FAM168A: variants seen among roughly 807,000 people sequenced by gnomAD.
FAM168A encodes protein FAM168A.
FAM168A carries 3 observed loss-of-function variants against 28.5 expected under a neutral mutation model. The observed-to-expected ratio is 0.11, with a 90% CI of 0.05 to 0.27. FAM168A has a LOEUF of 0.27. Ranked by LOEUF, FAM168A falls within the 10% of genes least tolerant of loss-of-function variation. FAM168A has a pLI of 1.00. For synonymous variants in FAM168A, 122 were observed against 124.2 expected, an observed-to-expected ratio of 0.98 and a Z score of 0.12; for missense variants, 222 against 311.5, an observed-to-expected ratio of 0.71 and a Z score of 2.16.
intron 1 of FAM168A, among the ~76,000 whole-genome samples, chr11:73,570,186 AC>A (rs1944069905): frequency 6.6e-6 from 1 of 152,202 alleles, no homozygotes; most frequent in African/African-American, 2.4e-5. Flanking sequence ...GGTTCTAATC[AC>A]AGCTGCATCC....
intron 1 of FAM168A, among the ~76,000 whole-genome samples, chr11:73,507,380 TAAAC>T (rs1481876115): frequency 6.6e-6 from 1 of 152,014 alleles, no homozygotes; most frequent in Non-Finnish European, 1.5e-5. Context: ...AAGATAAAAA[TAAAC>T]AAAACCCATC....
At chr11:73,424,504 C>T (rs915090936) in intron 3 of FAM168A, among the ~76,000 whole-genome samples, 1 of 152,092 alleles carries the variant, frequency 6.6e-6, no homozygotes, top group Non-Finnish European at 1.5e-5. Flanking sequence ...GCCCCCCCCA[C>T]CTCTCACCAT....
intron 2 of FAM168A, among the ~76,000 whole-genome samples, chr11:73,437,101 C>T (rs1565243788): frequency 6.9e-6 from 1 of 145,980 alleles, no homozygotes; most frequent in African/African-American, 2.5e-5. Context: ...TGCCAGCATA[C>T]TTTTTTTTTT....
At chr11:73,554,304 G>A (rs1169273575) in intron 1 of FAM168A, among the ~76,000 whole-genome samples, 1 of 151,958 alleles carries the variant, frequency 6.6e-6, no homozygotes, top group East Asian at 1.9e-4. Flanking sequence ...GAGCCCAGGA[G>A]TTTGAGGCTG....
At chr11:73,508,663 G>A (rs1855162005) in intron 1 of FAM168A, among the ~76,000 whole-genome samples, 1 of 151,610 alleles carries the variant, frequency 6.6e-6, no homozygotes, top group Non-Finnish European at 1.5e-5. Context: ...GAGTACTAGG[G>A]GTGTGTGTGT....
In FAM168A at chr11:73,593,556, A is replaced by G. The variant is rs12284141; in HGVS notation, c.-19+4367T>C. Reference sequence around the variant, plus strand: ...TTAAAGAACTGTTTAAAGTTCCTAGACTGTAAACATGCAAATATGCATGAG... The same window carrying G: ...TTAAAGAACTGTTTAAAGTTCCTAGGCTGTAAACATGCAAATATGCATGAG... On this transcript the variant is annotated intron_variant, in intron 1 of 7. Transcript: ENST00000356467. Among the ~76,000 whole-genome samples the G allele has an allele frequency of 1.3e-3, 191 of 152,280 alleles. 1 individual carries two copies. Among genetic ancestry groups the G allele is most frequent in the African/African-American group, 4.0e-3 (165 of 41,560 alleles).
intron 1 of FAM168A, among the ~76,000 whole-genome samples, chr11:73,539,629 A>G (rs1482477371): frequency 6.6e-6 from 1 of 152,180 alleles, no homozygotes; most frequent in Non-Finnish European, 1.5e-5. Flanking sequence ...TCTCAGGACT[A>G]AGAGATTACC....
chr11:73,499,766 A>G (rs950832031), intron 1 of FAM168A, among the ~76,000 whole-genome samples: 5 of 152,028 alleles, frequency 3.3e-5, no homozygotes, highest in African/African-American at 1.2e-4. Flanking sequence ...AAGCGGAAGA[A>G]AGGTTATCAG....
At chr11:73,485,614 T>A (rs1868042676) in intron 1 of FAM168A, among the ~76,000 whole-genome samples, 1 of 152,222 alleles carries the variant, frequency 6.6e-6, no homozygotes, top group African/African-American at 2.4e-5. Flanking sequence ...TACTATATTA[T>A]CCTATTTCCC....
At chr11:73,550,576 G>A (rs193017614) in intron 1 of FAM168A, among the ~76,000 whole-genome samples, 66 of 152,236 alleles carry the variant, frequency 4.3e-4, no homozygotes, top group Middle Eastern at 3.4e-3. Context: ...GATCACCTGA[G>A]ACTGGGGGGT....
chr11:73,464,188 A>T (rs958695268), intron 2 of FAM168A, among the ~76,000 whole-genome samples: 4 of 106,574 alleles, frequency 3.8e-5, no homozygotes, highest in Non-Finnish European at 7.9e-5. Flanking sequence ...AATTGTTATT[A>T]AAAAAAAAAA....
At chr11:73,512,964 G>A (rs1235547111) in intron 1 of FAM168A, among the ~76,000 whole-genome samples, 2 of 152,018 alleles carry the variant, frequency 1.3e-5, no homozygotes, top group East Asian at 1.9e-4. Flanking sequence ...TAGCAAACTC[G>A]TCCTAATGTA....
rs376336918 is a variant in FAM168A at position 73,476,773 on chromosome 11, G to A, written c.-18-8281C>T. On this transcript the variant is annotated intron_variant, in intron 1 of 7. Coordinates refer to ENST00000356467, the MANE Select transcript of FAM168A (RefSeq NM_015159.3). ...TCAATAAAAAATATAAAAATTGAAA[G>A]AGTCAAATGGAAATCGTATTCTGAA... 3.3e-5 allele frequency among the ~76,000 whole-genome samples: 5 copies of A among 152,152 alleles called. No homozygotes were observed. The South Asian group carries it at 1.0e-3, about 32-fold the overall frequency.
At chr11:73,440,523 G>A (rs747341944) in intron 2 of FAM168A, among the ~76,000 whole-genome samples, 2 of 152,140 alleles carry the variant, frequency 1.3e-5, no homozygotes, top group Non-Finnish European at 2.9e-5. Flanking sequence ...CCAGCTACAA[G>A]GGAGACTGAG....
intron 1 of FAM168A, among the ~76,000 whole-genome samples, chr11:73,560,516 G>A (rs1943945949): frequency 6.6e-6 from 1 of 152,284 alleles, no homozygotes; most frequent in Middle Eastern, 3.4e-3. Flanking sequence ...AAACTTAAAT[G>A]CAGTGGGTAC....
At chr11:73,478,974 T>A (rs1026189658) in intron 1 of FAM168A, among the ~76,000 whole-genome samples, 1 of 152,140 alleles carries the variant, frequency 6.6e-6, no homozygotes, top group African/African-American at 2.4e-5. Flanking sequence ...TTCCCAACTT[T>A]CCCAGGAATA....
intron 1 of FAM168A, among the ~76,000 whole-genome samples, chr11:73,486,550 C>T (rs1044531371): frequency 8.5e-5 from 13 of 152,170 alleles, no homozygotes; most frequent in African/African-American, 3.1e-4. Flanking sequence ...CAATAACATT[C>T]CAGACTTCCC....
chr11:73,431,588 T>G (rs995000064), intron 2 of FAM168A, among the ~76,000 whole-genome samples: 4 of 152,140 alleles, frequency 2.6e-5, no homozygotes, highest in African/African-American at 9.7e-5. Context: ...CTTTGCAACA[T>G]TTGCCAACTG....
chr11:73,408,966 C>G (rs954979092), intron 6 of FAM168A, among the ~76,000 whole-genome samples: 4 of 152,072 alleles, frequency 2.6e-5, no homozygotes, highest in Non-Finnish European at 5.9e-5. Context: ...CTAAAGTACA[C>G]TGACAGCCTC....
Sources: allele counts gnomAD v4.1 joint callset (sites outside exome capture counted in the v4.1 genomes callset), GRCh38; gene constraint gnomAD v4.1.1; transcripts MANE v1.5; gene names NCBI Gene and HGNC (gene_info 2026-07-23, HGNC 2026-07-21).